The following PSD4 variants were observed in gnomAD, a reference collection of about 807,000 sequenced individuals.
PSD4 encodes the protein PH and SEC7 domain-containing protein 4.
Under a neutral mutation model 112.5 loss-of-function variants are expected in PSD4, and 59 were observed. The observed-to-expected ratio is 0.52, with a 90% CI of 0.43 to 0.65. The LOEUF (loss-of-function observed/expected upper bound fraction) is 0.65. PSD4 is among the 30% of genes least tolerant of loss of function. The pLI is 0.00. For missense variants in PSD4, 1,267 were observed against 1,352.6 expected (o/e 0.94, Z 0.99); for synonymous variants, 533 against 540.0 (o/e 0.99, Z 0.18).
chr2:113,196,255 C>T lies in PSD4; in HGVS notation c.2334C>T (p.Tyr778=), dbSNP rs1363274871. 1.9e-6 allele frequency: 3 copies of T among 1,614,060 alleles called. No homozygotes were observed. The highest frequency in any genetic ancestry group is 2.5e-6 in the Non-Finnish European group (3 of 1,179,896). ...QLAQDPTVPT[Y]KQGILARKMH... ...CTCAGGATCCCACAGTGCCCACCTA[C>T]AAGCAGGGCATCCTGGCTCGGAAAA... Residue 778 remains tyrosine, a synonymous_variant, in exon 12 of 17, where the codon TAC becomes TAT. Coordinates refer to ENST00000245796, the MANE Select transcript of PSD4 (RefSeq NM_012455.3).
In PSD4 at chr2:113,192,397, C is replaced by A. The variant is rs146593284; in HGVS notation, c.1646C>A (p.Pro549Gln). The A allele has an allele frequency of 6.2e-7, 1 of 1,614,056 alleles. No homozygotes were observed. Among genetic ancestry groups the A allele is most frequent in the Non-Finnish European group, 8.5e-7 (1 of 1,180,006 alleles). ...TSAEHENLRTPMNSSWLPGSP... is the reference protein window; with the variant it reads ...TSAEHENLRTQMNSSWLPGSP... The stretch of plus-strand genomic sequence containing the variant: ...ATCTCAAGTGAGAATCTGAGGACAC[C>A]GATGAACTCTTCTTGGCTTCCTGGG... The change falls in exon 6 of 17, where the codon CCG becomes CAG. Residue 549 changes from proline to glutamine, a missense_variant. Coordinates refer to ENST00000245796, the MANE Select transcript of PSD4 (RefSeq NM_012455.3).
At position 113,183,130 on chromosome 2, in the gene PSD4, G is replaced by A; in HGVS notation, c.674G>A (p.Trp225Ter). The change falls in exon 2 of 17, where the codon TGG becomes TAG. Residue 225 changes from tryptophan (W) to a stop codon, truncating the protein, a stop_gained. Transcript: ENST00000245796. LOFTEE classifies it high-confidence loss of function. ...GAGCCTGAGGGAGAGGGCCAGGCAT[G>A]GCTGAGAGAGGGAACCCCAGACTCT... ...SSEPEGEGQAWLREGTPDSSP... is the reference protein window; with the variant it reads ...SSEPEGEGQA 1 of 1,614,098 alleles carries A rather than the reference G, an allele frequency of 6.2e-7. No individual in the cohort carries two copies. Among genetic ancestry groups the A allele is most frequent in the African/African-American group, 1.3e-5 (1 of 75,060 alleles).
Position 113,182,702 on chromosome 2 carries a change from C to T in PSD4, c.246C>T (p.Asp82=), listed in dbSNP as rs147089589. ...ACCTGGGGAGCTGGGTCCATCAGGA[C>T]GGGCTGGAGCCTTGCCAGGAGCAAA... is the stretch of plus-strand genomic sequence containing the variant. ...LTHLGSWVHQ[D]GLEPCQEQTR... is the part of the protein sequence containing the mutation. Residue 82 remains aspartate (D), a synonymous_variant, in exon 2 of 17, where the codon GAC becomes GAT. Transcript: ENST00000245796. 5.0e-5 allele frequency: 80 copies of T among 1,605,216 alleles called. No individual in the cohort carries two copies. Among genetic ancestry groups the T allele is most frequent in the African/African-American group, 1.5e-4 (11 of 73,800 alleles).
chr2:113,201,152 T>C lies in PSD4; in HGVS notation c.2914-6T>C. 6.2e-7 allele frequency: 1 copy of C among 1,605,856 alleles called. No homozygotes were observed. The highest frequency in any genetic ancestry group is 1.1e-5 in the South Asian group (1 of 89,952). The stretch of plus-strand genomic sequence containing the variant: ...GTGCTAAGGTGGTGGGGCCTGTGTG[T>C]TGCAGAAAACCCGCTACGAGACCTA... On this transcript the variant is annotated splice_polypyrimidine_tract_variant and splice_region_variant and intron_variant, in intron 16 of 16. Transcript: ENST00000245796.
rs1044506242 is a variant in PSD4 at position 113,204,372 on chromosome 2, G to A, written c.*2957G>A. The A allele has an allele frequency of 1.3e-5, 2 of 152,304 alleles. No individual in the cohort carries two copies. Among genetic ancestry groups the A allele is most frequent in the African/African-American group, 4.8e-5 (2 of 41,458 alleles). 9.4% of individuals were successfully genotyped at this position (152,304 alleles called of 1,614,324 possible). On this transcript the variant is annotated 3_prime_UTR_variant, in exon 17 of 17. Transcript: ENST00000245796. ...TGGGGACAGCCTACAGCTCCCCACA[G>A]GGTTGCTCCAGGTAACGCTGGAAGG...
In PSD4 at chr2:113,197,887, C is replaced by T. The variant is rs545608226; in HGVS notation, c.2598C>T (p.Asp866=). ...ACGTCTTCCAGCTGCGCACGGCTGA[C>T]TGGCGCCTCTACCTCTTCCAGGCAC... The part of the protein sequence containing the change: ...KPHVFQLRTA[D]WRLYLFQAPT... The change falls in exon 14 of 17, where the codon GAC becomes GAT. Residue 866 remains aspartate (D), a synonymous_variant. Coordinates refer to ENST00000245796, the MANE Select transcript of PSD4 (RefSeq NM_012455.3). 6.3e-7 allele frequency: 1 copy of T among 1,595,792 alleles called. No homozygotes were observed. Among genetic ancestry groups the T allele is most frequent in the African/African-American group, 1.3e-5 (1 of 74,702 alleles).
Position 113,195,872 on chromosome 2 carries a change from TG to T in PSD4, c.2225+103del. ...CCGAGAGTTAGAGAAACTCAGATAG[TG>T]CTCCCCTTGGAGTGAGGCAAAGCCA... On this transcript the variant is annotated intron_variant, in intron 11 of 16. Coordinates refer to ENST00000245796, the MANE Select transcript of PSD4 (RefSeq NM_012455.3). 2.0e-6 allele frequency: 3 copies of T among 1,497,522 alleles called. No homozygotes were observed. In the Admixed American group the frequency reaches 5.2e-5, roughly 26 times the overall value. 92.8% of individuals were successfully genotyped at this position (1,497,522 alleles called of 1,614,324 possible).
At chr2:113,182,077 T>G (rs1688150753) in intron 1 of PSD4, among the ~76,000 whole-genome samples, 1 of 152,256 alleles carries the variant, frequency 6.6e-6, no homozygotes, top group Non-Finnish European at 1.5e-5. Flanking sequence ...TTTGGCCAGT[T>G]TGTTCTTTTC....
At chr2:113,185,310 A>G in intron 3 of PSD4, 55 bp from the exon 4 acceptor site, 2 of 1,605,692 alleles carry the variant, frequency 1.2e-6, no homozygotes, top group Non-Finnish European at 1.7e-6. Flanking sequence ...CCTCTCCCCC[A>G]TCCACCTCTC....
At chr2:113,201,116 G>A (rs766099897) in intron 16 of PSD4, 42 bp from the exon 17 acceptor site, 1 of 1,562,434 alleles carries the variant, frequency 6.4e-7, no homozygotes, top group African/African-American at 1.4e-5. Context: ...TCCCAACCTG[G>A]AGCCAGGATG....
chr2:113,201,655 G>A lies in PSD4; in HGVS notation c.*240G>A, dbSNP rs1688782358. On this transcript the variant is annotated 3_prime_UTR_variant, in exon 17 of 17. Coordinates refer to ENST00000245796, the MANE Select transcript of PSD4 (RefSeq NM_012455.3). ...CTCCGCAGCCCCAGTCCCTGGCCAC[G>A]CCCAAGGGAAGAGGGAGGTGAGGAC... The A allele has an allele frequency of 6.9e-6, 4 of 579,340 alleles. No individual in the cohort carries two copies. The highest frequency in any genetic ancestry group is 2.1e-5 in the South Asian group (1 of 47,104). The allele number at this position is 579,340 out of a possible 1,614,324, so 35.9% of individuals were successfully genotyped here.
Position 113,198,827 on chromosome 2 carries a change from C to T in PSD4, c.2712C>T (p.Gly904=), listed in dbSNP as rs768487603. The stretch of plus-strand genomic sequence containing the variant: ...CGCCGCCCTTCCCCGCCGCTGTGGG[C>T]TCCCAGCGCAGATTCGTGCGGCCCA... The part of the protein sequence containing the change: ...HSAPPFPAAV[G]SQRRFVRPIL... The change falls in exon 15 of 17, where the codon GGC becomes GGT. Residue 904 remains glycine (G), a synonymous_variant. Transcript: ENST00000245796. The T allele has an allele frequency of 2.5e-6, 4 of 1,597,552 alleles. No individual in the cohort carries two copies. The highest frequency in any genetic ancestry group is 2.7e-5 in the African/African-American group (2 of 74,764).
At chr2:113,197,364 C>A (rs1688640195) in intron 12 of PSD4, 200 bp from the exon 13 acceptor site, 2 of 635,590 alleles carry the variant, frequency 3.1e-6, no homozygotes, top group African/African-American at 1.8e-5. Context: ...CGGGCATTGC[C>A]TGTGTGTGGA....
Position 113,183,020 on chromosome 2 carries a change from C to G in PSD4, c.564C>G (p.Leu188=), listed in dbSNP as rs1459872681. 2 of 1,613,850 alleles carry G rather than the reference C, an allele frequency of 1.2e-6. No individual in the cohort carries two copies. The highest frequency in any genetic ancestry group is 1.7e-6 in the Non-Finnish European group (2 of 1,179,938). Residue 188 remains leucine (L), a synonymous_variant, in exon 2 of 17, where the codon CTC becomes CTG. Coordinates refer to ENST00000245796, the MANE Select transcript of PSD4 (RefSeq NM_012455.3). The stretch of plus-strand genomic sequence containing the variant: ...TCAAGGCTGGGCTGAAATGCTGTCT[C>G]CCCACGCCCCCTGTGGACCTCCCCG... ...EGLKAGLKCC[L]PTPPVDLPGD...
chr2:113,197,349 T>G (rs1484750064), intron 12 of PSD4: 1 of 611,936 alleles, frequency 1.6e-6, no homozygotes, highest in African/African-American at 1.8e-5. Flanking sequence ...TGGTTTTGTT[T>G]CCAGCGGGCA....
chr2:113,183,178 A>C lies in PSD4; in HGVS notation c.722A>C (p.Glu241Ala). Residue 241 changes from glutamate (E) to alanine (A), a missense_variant, in exon 2 of 17, where the codon GAG becomes GCG. This residue lies in a region of PSD4 where 723 missense variants were observed against 704.0 expected (regional missense o/e 1.03). Transcript: ENST00000245796. ...PDSSPQWGAE[E>A]ESMFFSNPLF... ...TCTTCCCCACAGTGGGGAGCTGAGG[A>C]GGAGAGCATGTTCTTCAGCAACCCC... 1 of 1,614,158 alleles carries C rather than the reference A, an allele frequency of 6.2e-7. No individual in the cohort carries two copies.
intron 14 of PSD4, 186 bp from the exon 15 acceptor site, chr2:113,198,554 T>C (rs1688676549): frequency 3.2e-6 from 2 of 619,952 alleles, no homozygotes; most frequent in Non-Finnish European, 4.9e-6. Context: ...CCTCCAAATT[T>C]TCCTCTTTAT....
At chr2:113,190,687 T>C (rs557294249) in intron 5 of PSD4, among the ~76,000 whole-genome samples, 1 of 152,278 alleles carries the variant, frequency 6.6e-6, no homozygotes, top group African/African-American at 2.4e-5. Flanking sequence ...ACTCTTGAGC[T>C]CAAGCAATCC....
At chr2:113,189,425 G>T (rs1482733050) in intron 5 of PSD4, among the ~76,000 whole-genome samples, 1 of 151,748 alleles carries the variant, frequency 6.6e-6, no homozygotes, top group Non-Finnish European at 1.5e-5. Flanking sequence ...CGGCATGTGG[G>T]TTGGTTCCAT....
Sources: gnomAD v4.1 joint callset for allele counts (sites outside exome capture counted in the v4.1 genomes callset) on GRCh38, gnomAD v4.1.1 for gene constraint, gnomAD v4.1.1 regional missense constraint, MANE v1.5 for transcripts, NCBI Gene and HGNC (gene_info 2026-07-23, HGNC 2026-07-21) for gene names.